The following PLEK2 variants were observed in gnomAD, a reference collection of about 807,000 sequenced individuals.
PLEK2 encodes pleckstrin 2, also known as pleckstrin-2.
Under a neutral mutation model 43.8 loss-of-function variants are expected in PLEK2, and 29 were observed. The observed-to-expected ratio is 0.66, with a 90% confidence interval of 0.49 to 0.90. The LOEUF is 0.90. Ranked by LOEUF, PLEK2 falls within the 40% of genes least tolerant of loss-of-function variation. The pLI is 0.00. For synonymous variants in PLEK2, 162 were observed against 173.2 expected (o/e 0.94, Z 0.51); for missense variants, 398 against 448.1 (o/e 0.89, Z 1.01).
At position 67,411,935 on chromosome 14, in the gene PLEK2, G is replaced by C. The variant is rs2086117855; in HGVS notation, c.42+83C>G. The stretch of plus-strand genomic sequence containing the variant: ...TGGGAACCAGAGCATGCCCGTTCCG[G>C]GGCGCGCGTCTGGCCCCGCTCTAGG... On this transcript the variant is annotated intron_variant, in intron 1 of 8. Transcript: ENST00000216446. The C allele has an allele frequency of 1.4e-5, 18 of 1,282,998 alleles. No individual in the cohort carries two copies. In the East Asian group the frequency reaches 5.1e-4, roughly 36 times the overall value. 79.5% of individuals were successfully genotyped at this position (1,282,998 alleles called of 1,614,324 possible). A position where few individuals can be genotyped will look rare whatever the true frequency, so the allele number is the denominator to read the frequency against.
intron 1 of PLEK2, among the ~76,000 whole-genome samples, chr14:67,400,499 A>G (rs937175778): frequency 6.6e-6 from 1 of 152,150 alleles, no homozygotes; most frequent in Non-Finnish European, 1.5e-5. Context: ...TCAGGTCCCC[A>G]TTTCCTATGA....
At chr14:67,405,652 G>A (rs575101986) in intron 1 of PLEK2, among the ~76,000 whole-genome samples, 2 of 152,284 alleles carry the variant, frequency 1.3e-5, no homozygotes, top group East Asian at 3.9e-4. Flanking sequence ...AGGTTATAAA[G>A]GTCTTCTGAG....
At chr14:67,403,789 C>T (rs1222199079) in intron 1 of PLEK2, among the ~76,000 whole-genome samples, 3 of 152,180 alleles carry the variant, frequency 2.0e-5, no homozygotes, top group African/African-American at 4.8e-5. Flanking sequence ...CAGTGGCTCA[C>T]GCCTATAATC....
chr14:67,400,346 T>G (rs2086039573), intron 1 of PLEK2, among the ~76,000 whole-genome samples: 2 of 152,246 alleles, frequency 1.3e-5, no homozygotes, highest in African/African-American at 4.8e-5. Context: ...CTCTCTTCAC[T>G]TTGTTCCTTA....
chr14:67,401,383 G>A (rs1178845691), intron 1 of PLEK2, among the ~76,000 whole-genome samples: 4 of 151,516 alleles, frequency 2.6e-5, no homozygotes, highest in South Asian at 2.1e-4. Flanking sequence ...GTGGTGGCAC[G>A]TGCCTGTAGT....
intron 1 of PLEK2, among the ~76,000 whole-genome samples, chr14:67,408,669 G>A (rs1021779337): frequency 2.0e-5 from 3 of 152,152 alleles, no homozygotes; most frequent in Admixed American, 2.0e-4. Context: ...AGGGTTGCCT[G>A]CAAACACCAG....
intron 1 of PLEK2, among the ~76,000 whole-genome samples, chr14:67,411,395 C>T (rs918867531): frequency 1.3e-5 from 2 of 151,986 alleles, no homozygotes; most frequent in Non-Finnish European, 2.9e-5. Context: ...TCAGTTTCCC[C>T]GTCTGTAATA....
chr14:67,396,327 T>C (rs1405335300), intron 2 of PLEK2, among the ~76,000 whole-genome samples: 1 of 151,508 alleles, frequency 6.6e-6, no homozygotes, highest in African/African-American at 2.4e-5. Flanking sequence ...TTTGTATTTT[T>C]AGTAGAGACG....
Position 67,395,404 on chromosome 14 carries a change from C to A in PLEK2, c.387G>T (p.Leu129=). ...AGCCCGGCAAGTGGGGCACTCACTGCAGGCTGATGTGCGGGGGCAGCTTGA... is the reference window on the plus strand; with the variant it reads ...AGCCCGGCAAGTGGGGCACTCACTGAAGGCTGATGTGCGGGGGCAGCTTGA... ...NSFKLPPHIS[L]HRIVDKMHDS... is the part of the protein sequence containing the mutation. The change falls in exon 3 of 9, where the codon CTG becomes CTT. Residue 129 remains leucine, a splice_region_variant and synonymous_variant. Transcript: ENST00000216446. 6.2e-7 allele frequency: 1 copy of A among 1,613,480 alleles called. No individual in the cohort carries two copies. Among genetic ancestry groups the A allele is most frequent in the African/African-American group, 1.3e-5 (1 of 75,052 alleles).
chr14:67,407,294 TG>T (rs1401594305), intron 1 of PLEK2, among the ~76,000 whole-genome samples: 1 of 152,004 alleles, frequency 6.6e-6, no homozygotes, highest in Non-Finnish European at 1.5e-5. Context: ...GCTAATTTTT[TG>T]TATTTTTAGT....
intron 2 of PLEK2, among the ~76,000 whole-genome samples, chr14:67,396,143 GTTTT>G (rs1320543442): frequency 8.6e-5 from 13 of 151,130 alleles, no homozygotes; most frequent in Non-Finnish European, 5.9e-5. Flanking sequence ...TTTTTGTTTT[GTTTT>G]GTTTTTTGTT....
At chr14:67,400,017 T>G (rs919057576) in intron 1 of PLEK2, among the ~76,000 whole-genome samples, 1 of 152,196 alleles carries the variant, frequency 6.6e-6, no homozygotes, top group Non-Finnish European at 1.5e-5. Context: ...TTGCCTAGTA[T>G]GGATTCATAT....
chr14:67,396,143 GTTTTGTT>G (rs2086006877), intron 2 of PLEK2, among the ~76,000 whole-genome samples: 2 of 151,130 alleles, frequency 1.3e-5, no homozygotes, highest in South Asian at 2.1e-4. Context: ...TTTTTGTTTT[GTTTTGTT>G]TTTTGTTTTT....
chr14:67,408,661 G>T (rs1014479295), intron 1 of PLEK2, among the ~76,000 whole-genome samples: 1 of 152,094 alleles, frequency 6.6e-6, no homozygotes, highest in African/African-American at 2.4e-5. Context: ...GAATGCCAAG[G>T]GTTGCCTGCA....
At chr14:67,409,364 G>A (rs1351322095) in intron 1 of PLEK2, among the ~76,000 whole-genome samples, 1 of 152,174 alleles carries the variant, frequency 6.6e-6, no homozygotes. Context: ...GCAACAGAGT[G>A]AGACCTCATC....
intron 1 of PLEK2, among the ~76,000 whole-genome samples, chr14:67,408,486 T>C (rs1048045694): frequency 5.3e-5 from 8 of 152,144 alleles, no homozygotes; most frequent in African/African-American, 1.9e-4. Context: ...TCTTTGCAGA[T>C]GTAATCAAGT....
At position 67,397,829 on chromosome 14, in the gene PLEK2, A is replaced by G. The variant is rs374135507; in HGVS notation, c.43-3T>C. The G allele has an allele frequency of 1.9e-6, 3 of 1,605,002 alleles. No individual in the cohort carries two copies. Among genetic ancestry groups the G allele is most frequent in the East Asian group, 2.2e-5 (1 of 44,686 alleles). On this transcript the variant is annotated splice_region_variant and splice_polypyrimidine_tract_variant and intron_variant, in intron 1 of 8. Coordinates refer to ENST00000216446, the MANE Select transcript of PLEK2 (RefSeq NM_016445.3). The stretch of plus-strand genomic sequence containing the variant: ...TTCCAGTTGTGGACAATGTGGCCCT[A>G]TGGACAGACAAGAAAGCCCTGAGGT...
At chr14:67,394,415 A>C (rs1413189537) in intron 3 of PLEK2, among the ~76,000 whole-genome samples, 1 of 152,082 alleles carries the variant, frequency 6.6e-6, no homozygotes, top group Non-Finnish European at 1.5e-5. Context: ...AAAACAAAAA[A>C]GCCCCAAGAG....
intron 2 of PLEK2, among the ~76,000 whole-genome samples, chr14:67,396,555 C>A: frequency 6.6e-6 from 1 of 152,198 alleles, no homozygotes. Flanking sequence ...GGTGAACATT[C>A]CCCTTTGACC....
Sources: allele counts gnomAD v4.1 joint callset (sites outside exome capture counted in the v4.1 genomes callset), GRCh38; gene constraint gnomAD v4.1.1; transcripts MANE v1.5; gene names NCBI Gene and HGNC (gene_info 2026-07-23, HGNC 2026-07-21).